Variants in ATAD2 observed in about 807,000 individuals in gnomAD.
The protein encoded by ATAD2 is ATPase family AAA domain-containing protein 2.
ATAD2 carries 62 observed loss-of-function variants against 168.9 expected under a neutral mutation model. The observed-to-expected ratio is 0.37, with a 90% CI of 0.30 to 0.45. The LOEUF (loss-of-function observed/expected upper bound fraction) is 0.45, where lower values mean the gene tolerates loss of function less well. Among genes scored for constraint, ATAD2 ranks in the 20% least tolerant of loss-of-function variants. The pLI is 1.00. For missense variants in ATAD2, 1,419 were observed against 1,667.8 expected (o/e 0.85, Z 2.60); for synonymous variants, 613 against 571.6 (o/e 1.07, Z -1.03).
intron 7 of ATAD2, chr8:123,369,459 G>C: frequency 4.2e-6 from 1 of 238,862 alleles, no homozygotes; most frequent in Non-Finnish European, 8.0e-6. Flanking sequence ...GTAACAGGTT[G>C]ATTATCAGCC....
intron 24 of ATAD2, 26 bp from the exon 25 acceptor site, chr8:123,328,605 T>A: frequency 1.3e-6 from 2 of 1,498,864 alleles, no homozygotes; most frequent in Non-Finnish European, 1.8e-6. Context: ...AGAAAAATGA[T>A]GAAAGAACAT....
rs539587494 is a variant in ATAD2, at chr8:123,331,107, G to C, written c.3479-2528C>G. 2.0e-5 allele frequency among the ~76,000 whole-genome samples: 3 copies of C among 151,872 alleles called. No homozygotes were observed. In the South Asian group the frequency reaches 6.2e-4, roughly 32 times the overall value. ...AGGCGTGCACCACCATGCCCAGCTA[G>C]TTGTTGTATTTTTAGTAGAGACGGG... On this transcript the variant is annotated intron_variant, in intron 24 of 27. Transcript: ENST00000287394.
chr8:123,359,434 T>C lies in ATAD2; in HGVS notation c.1267-98A>G, dbSNP rs1586881438. ...AGTCAATGAAGTAATAATATCTTAA[T>C]TGTGACCTGAAGATTAACAGAAAAC... is the stretch of plus-strand genomic sequence containing the variant. On this transcript the variant is annotated intron_variant, in intron 10 of 27. Transcript: ENST00000287394. 4.1e-6 allele frequency: 5 copies of C among 1,221,396 alleles called. No individual in the cohort carries two copies. In the South Asian group the frequency reaches 5.3e-5, roughly 13 times the overall value. The allele number at this position is 1,221,396 out of a possible 1,614,324, so 75.7% of individuals were successfully genotyped here. A position where few individuals can be genotyped will look rare whatever the true frequency, so the allele number is the denominator to read the frequency against.
At chr8:123,408,415 G>A (rs1383209585) in intron 1 of ATAD2, among the ~76,000 whole-genome samples, 1 of 152,222 alleles carries the variant, frequency 6.6e-6, no homozygotes, top group Admixed American at 6.5e-5. Context: ...TCCTCTGGGA[G>A]GAATGACCCA....
In ATAD2 at chr8:123,359,613, G is replaced by T. The variant is rs1397283329; in HGVS notation, c.1230C>A (p.Ser410Arg). 6.2e-7 allele frequency: 1 copy of T among 1,613,186 alleles called. No homozygotes were observed. Residue 410 changes from serine to arginine, a missense_variant, in exon 10 of 28, where the codon AGC (serine) becomes AGA (arginine). By Grantham distance (110) the Ser-to-Arg change is moderately radical. This residue lies in a region of ATAD2 where 146 missense variants were observed against 188.3 expected (regional missense o/e 0.78). Transcript: ENST00000287394. Reference sequence around the variant, plus strand: ...GTTGCATTGGATCAACATCGGCAAGGCTTGCTCCAATTTTCATTCGATCTT... The same window carrying T: ...GTTGCATTGGATCAACATCGGCAAGTCTTGCTCCAATTTTCATTCGATCTT... Reference protein sequence around the residue: ...IYKDRMKIGASLADVDPMQLD... With the variant: ...IYKDRMKIGARLADVDPMQLD...
rs1829741305 is a variant in ATAD2 at position 123,389,311 on chromosome 8, A to ATTCT, written c.171+6875_171+6876insAGAA. Among the ~76,000 whole-genome samples, 3 of 148,226 alleles carry ATTCT rather than the reference A, an allele frequency of 2.0e-5. No individual in the cohort carries two copies. The South Asian group carries it at 6.6e-4, about 33-fold the overall frequency. On this transcript the variant is annotated intron_variant, in intron 1 of 27. Coordinates refer to ENST00000287394, the MANE Select transcript of ATAD2 (RefSeq NM_014109.4). ...TGTTTTCTATTCATCCTCAAGGACAAGCAGTCCCAACCTCTTAGCAATTCT... is the reference window on the plus strand; with the variant it reads ...TGTTTTCTATTCATCCTCAAGGACAATTCTGCAGTCCCAACCTCTTAGCAATTCT...
chr8:123,400,725 C>A, upstream of ATAD2: 1 of 757,908 alleles, frequency 1.3e-6, no homozygotes. The surrounding 1 kb of genome is among the most constrained non-coding windows in gnomAD (Gnocchi z 4.5). Context: ...ATGAGGCGGA[C>A]CTCACCTCAG....
At chr8:123,329,501 G>A (rs148123874) in intron 24 of ATAD2, among the ~76,000 whole-genome samples, 4,277 of 152,016 alleles carry the variant, frequency 0.028, 179 homozygotes, top group African/African-American at 0.097. Context: ...GGTGGCTCAC[G>A]CCTGTAGTCC....
chr8:123,411,396 C>T (rs559520428), intron 1 of ATAD2, among the ~76,000 whole-genome samples: 112 of 152,182 alleles, frequency 7.4e-4, no homozygotes, highest in South Asian at 5.8e-3. Flanking sequence ...CAGTCGTCGG[C>T]GAACCTCCCC....
intron 1 of ATAD2, among the ~76,000 whole-genome samples, chr8:123,409,534 A>C (rs898662958): frequency 6.6e-6 from 1 of 152,038 alleles, no homozygotes; most frequent in Non-Finnish European, 1.5e-5. Flanking sequence ...ACTCTGTCAC[A>C]CAGGCTGGAG....
At chr8:123,346,050 C>G (rs757726852) in intron 18 of ATAD2, 36 bp downstream of exon 18, 14 of 1,384,246 alleles carry the variant, frequency 1.0e-5, no homozygotes, top group East Asian at 5.4e-5. Flanking sequence ...CCTCTGAAAG[C>G]CTGTTTTGTC....
intron 21 of ATAD2, among the ~76,000 whole-genome samples, chr8:123,336,773 T>C (rs1827926078): frequency 6.6e-6 from 1 of 152,124 alleles, no homozygotes; most frequent in Non-Finnish European, 1.5e-5. Flanking sequence ...TATTCTCCAG[T>C]AACAGCCTAT....
intron 4 of ATAD2, 78 bp from the exon 5 acceptor site, chr8:123,371,416 T>C (rs1423081679): frequency 8.6e-7 from 1 of 1,165,434 alleles, no homozygotes; most frequent in Non-Finnish European, 1.2e-6. Context: ...TTTCTTCCAT[T>C]GCAAACTTTT....
intron 1 of ATAD2, among the ~76,000 whole-genome samples, chr8:123,415,660 T>C (rs1813251598): frequency 6.6e-6 from 1 of 152,168 alleles, no homozygotes; most frequent in African/African-American, 2.4e-5. Flanking sequence ...AATGGCACCA[T>C]CTCGGCTCAC....
At chr8:123,412,880 A>AT (rs1215119330) in intron 1 of ATAD2, among the ~76,000 whole-genome samples, 1 of 151,960 alleles carries the variant, frequency 6.6e-6, no homozygotes, top group African/African-American at 2.4e-5. Flanking sequence ...CAAACCCCCC[A>AT]TTAAAATGCC....
intron 27 of ATAD2, 79 bp downstream of exon 27, chr8:123,322,859 A>C: frequency 2.1e-6 from 3 of 1,425,238 alleles, no homozygotes; most frequent in Non-Finnish European, 2.9e-6. Flanking sequence ...GATTAAATAA[A>C]GCCTCAACAA....
intron 8 of ATAD2, among the ~76,000 whole-genome samples, chr8:123,367,258 T>G (rs371734514): frequency 6.6e-6 from 1 of 151,830 alleles, no homozygotes; most frequent in African/African-American, 2.4e-5. Flanking sequence ...CTACTAAAAA[T>G]ACAAAAAAAT....
At chr8:123,331,788 C>A (rs1421707045) in intron 24 of ATAD2, among the ~76,000 whole-genome samples, 1 of 152,136 alleles carries the variant, frequency 6.6e-6, no homozygotes, top group Non-Finnish European at 1.5e-5. Context: ...TTGAGAACCG[C>A]AAATCACTTT....
intron 2 of ATAD2, among the ~76,000 whole-genome samples, chr8:123,376,793 C>CA (rs1829329002): frequency 1.3e-5 from 2 of 151,182 alleles, no homozygotes; most frequent in Non-Finnish European, 2.9e-5. Flanking sequence ...TCCATCTCTA[C>CA]AAAAAATTTA....
Sources: allele counts gnomAD v4.1 joint callset (sites outside exome capture counted in the v4.1 genomes callset), GRCh38; gene constraint gnomAD v4.1.1; regional missense constraint gnomAD v4.1.1; non-coding constraint Gnocchi (gnomAD v3.1); transcripts MANE v1.5; gene names NCBI Gene and HGNC (gene_info 2026-07-23, HGNC 2026-07-21).